Variants in SCOC observed in about 807,000 individuals in gnomAD.
SCOC encodes short coiled-coil protein, also known as short coiled coil protein.
Under a neutral mutation model 9.9 loss-of-function variants are expected in SCOC, and 7 were observed. The observed-to-expected ratio is 0.71, with a 90% CI of 0.40 to 1.33. The LOEUF is 1.33. Among genes scored for constraint, SCOC ranks in the 40% most tolerant of loss-of-function variants. The probability of loss-of-function intolerance (pLI) is 0.01; values close to 1 mark genes in which losing one functional copy is unlikely to be tolerated. For missense variants in SCOC, 66 were observed against 89.7 expected, an observed-to-expected ratio of 0.74 and a Z score of 1.07; for synonymous variants, 19 against 28.2, an observed-to-expected ratio of 0.67 and a Z score of 1.03.
At chr4:140,338,343 T>C (rs1326701511) in intron 1 of SCOC, among the ~76,000 whole-genome samples, 1 of 152,208 alleles carries the variant, frequency 6.6e-6, no homozygotes, top group Non-Finnish European at 1.5e-5. Flanking sequence ...ACCAATATCA[T>C]ACTGAATGGG....
chr4:140,340,808 T>TTTC (rs140552446), upstream of SCOC, among the ~76,000 whole-genome samples: 175 of 111,862 alleles, frequency 1.6e-3, 18 homozygotes, highest in African/African-American at 3.8e-3. Flanking sequence ...TTTTTTTTTT[T>TTTC]AGAGGGATAG....
chr4:140,316,830 G>A (rs1441166895), intron 1 of SCOC, among the ~76,000 whole-genome samples: 1 of 152,108 alleles, frequency 6.6e-6, no homozygotes, highest in Non-Finnish European at 1.5e-5. Context: ...TTTTGTAGCA[G>A]GTATGATTCT....
chr4:140,279,090 C>T (rs1478623134), intron 1 of SCOC, among the ~76,000 whole-genome samples: 4 of 152,098 alleles, frequency 2.6e-5, no homozygotes, highest in Admixed American at 6.5e-5. Flanking sequence ...CATCTAGTTC[C>T]TCACACTTTT....
intron 1 of SCOC, among the ~76,000 whole-genome samples, chr4:140,329,478 C>T (rs1732744784): frequency 6.6e-6 from 1 of 152,118 alleles, no homozygotes; most frequent in Admixed American, 6.6e-5. Flanking sequence ...AAAGCTTCTG[C>T]ATAGCTAAAG....
intron 2 of SCOC, 80 bp from the exon 3 acceptor site, chr4:140,379,489 A>G (rs2126601117): frequency 1.9e-6 from 2 of 1,034,474 alleles, no homozygotes; most frequent in Non-Finnish European, 1.5e-6. Flanking sequence ...AATATAAAAC[A>G]TTTTGCAGAT....
intron 1 of SCOC, chr4:140,374,321 G>A: frequency 2.6e-6 from 1 of 378,998 alleles, no homozygotes; most frequent in South Asian, 1.9e-5. Flanking sequence ...TGAAAGGCAG[G>A]GCTTCTGTTA....
chr4:140,321,846 G>A (rs1411536410), intron 1 of SCOC, among the ~76,000 whole-genome samples: 1 of 152,178 alleles, frequency 6.6e-6, no homozygotes, highest in Non-Finnish European at 1.5e-5. Context: ...TCAGATTCAT[G>A]TGTTAAAAAC....
At chr4:140,284,988 T>C (rs1731190246) in intron 1 of SCOC, 1 of 281,444 alleles carries the variant, frequency 3.6e-6, no homozygotes, top group Non-Finnish European at 7.1e-6. Context: ...TTCATTCCAA[T>C]TGAAAACTCT....
In SCOC at chr4:140,290,420, G is replaced by A. The variant is rs149122074; in HGVS notation, c.-19+33010G>A. On this transcript the variant is annotated intron_variant, in intron 1 of 4. Coordinates refer to the SCOC transcript ENST00000394205. Reference sequence around the variant, plus strand: ...TGGAATTGTGGAGGGTGGGCTCCCTGTTCATGCAACTTCCCCCATGCCTTT... The same window carrying A: ...TGGAATTGTGGAGGGTGGGCTCCCTATTCATGCAACTTCCCCCATGCCTTT... 1.8e-4 allele frequency among the ~76,000 whole-genome samples: 27 copies of A among 152,298 alleles called. No individual in the cohort carries two copies. In the East Asian group the frequency reaches 5.2e-3, roughly 29 times the overall value.
chr4:140,369,479 A>C, upstream of SCOC: 1 of 263,032 alleles, frequency 3.8e-6, no homozygotes, highest in Non-Finnish European at 7.9e-6. Context: ...GAAAGTTATC[A>C]AAAATGCTTC....
At chr4:140,335,194 A>C (rs1732924313) in intron 1 of SCOC, among the ~76,000 whole-genome samples, 1 of 152,154 alleles carries the variant, frequency 6.6e-6, no homozygotes, top group East Asian at 1.9e-4. Context: ...TTTAATGCCT[A>C]TGTGTTATAG....
At chr4:140,266,589 A>C (rs1730731924) in intron 1 of SCOC, among the ~76,000 whole-genome samples, 1 of 152,154 alleles carries the variant, frequency 6.6e-6, no homozygotes, top group Non-Finnish European at 1.5e-5. Context: ...GAGAGGGCAC[A>C]ATCAGTCTCT....
intron 1 of SCOC, among the ~76,000 whole-genome samples, chr4:140,306,951 C>G (rs779018894): frequency 1.3e-5 from 2 of 152,148 alleles, no homozygotes; most frequent in Non-Finnish European, 2.9e-5. Flanking sequence ...GTCTGAATGT[C>G]TGTGTCCTCC....
intron 2 of SCOC, among the ~76,000 whole-genome samples, chr4:140,361,282 T>C (rs561419295): frequency 2.2e-4 from 33 of 152,170 alleles, no homozygotes; most frequent in East Asian, 1.5e-3. Context: ...AGGACTTTTA[T>C]ATCAAAGCTA....
chr4:140,326,214 GAAGT>G (rs1014075454), intron 1 of SCOC, among the ~76,000 whole-genome samples: 81 of 152,272 alleles, frequency 5.3e-4, no homozygotes, highest in African/African-American at 1.8e-3. Flanking sequence ...GACTGGATGA[GAAGT>G]AATTTTTAGC....
chr4:140,368,933 T>A (rs562745865), upstream of SCOC, among the ~76,000 whole-genome samples: 23 of 152,148 alleles, frequency 1.5e-4, no homozygotes, highest in Non-Finnish European at 3.1e-4. Context: ...GAGTCTCACG[T>A]TTTTATTCTC....
At chr4:140,272,376 T>C (rs898723195) in intron 1 of SCOC, among the ~76,000 whole-genome samples, 1 of 152,170 alleles carries the variant, frequency 6.6e-6, no homozygotes, top group Non-Finnish European at 1.5e-5. Context: ...TTTTATACTT[T>C]AGTAGGGTCC....
intron 2 of SCOC, among the ~76,000 whole-genome samples, chr4:140,357,870 C>T (rs78461141): frequency 1.3e-5 from 2 of 152,084 alleles, no homozygotes; most frequent in South Asian, 2.1e-4. Flanking sequence ...CACATCTTCT[C>T]TTTCTCCCCT....
At chr4:140,380,866 T>A in intron 3 of SCOC, 96 bp from the exon 4 acceptor site, 1 of 944,570 alleles carries the variant, frequency 1.1e-6, no homozygotes, top group Non-Finnish European at 1.5e-6. Flanking sequence ...ATTTAAGGAT[T>A]GTATTATTTC....
Sources: allele counts gnomAD v4.1 joint callset (sites outside exome capture counted in the v4.1 genomes callset), GRCh38; gene constraint gnomAD v4.1.1; transcripts MANE v1.5; gene names NCBI Gene and HGNC (gene_info 2026-07-23, HGNC 2026-07-21).